Variants in TMEM132B observed in about 807,000 individuals in gnomAD.
The protein encoded by TMEM132B is transmembrane protein 132B.
A neutral mutation model predicts 90.8 loss-of-function variants in TMEM132B; 18 were observed. That is an observed-to-expected ratio of 0.20 (90% CI 0.14 to 0.29). TMEM132B has a LOEUF of 0.29. Among genes scored for constraint, TMEM132B ranks in the 10% least tolerant of loss-of-function variants. TMEM132B has a pLI of 1.00. For synonymous variants in TMEM132B, 504 were observed against 523.3 expected, an observed-to-expected ratio of 0.96 and a Z score of 0.50; for missense variants, 1,096 against 1,326.8, an observed-to-expected ratio of 0.83 and a Z score of 2.70.
At chr12:125,559,047 G>A (rs1486721225) in intron 4 of TMEM132B, among the ~76,000 whole-genome samples, 1 of 152,190 alleles carries the variant, frequency 6.6e-6, no homozygotes, top group Non-Finnish European at 1.5e-5. Context: ...AGATGATAAA[G>A]TTGAGTCTTT....
rs546008855 is a variant in TMEM132B, at chr12:125,408,629, G to A, written c.960-6902G>A. Among the ~76,000 whole-genome samples, 6 of 152,310 alleles carry A rather than the reference G, an allele frequency of 3.9e-5. No homozygotes were observed. Among genetic ancestry groups the A allele is most frequent in the African/African-American group, 1.2e-4 (5 of 41,570 alleles). On this transcript the variant is annotated intron_variant, in intron 2 of 8. Transcript: ENST00000682704. This position sits in a 1 kb window ranked among gnomAD's most constrained non-coding sequence, Gnocchi z 5.9. ...TGTCCCGAACAGATTAAGGCAATGAGCATTTTGGGTTGTTTCCATTTTGGG... is the reference window on the plus strand; with the variant it reads ...TGTCCCGAACAGATTAAGGCAATGAACATTTTGGGTTGTTTCCATTTTGGG...
In TMEM132B at chr12:125,290,144, G is replaced by A. The variant is rs576406144; in HGVS notation, c.68-59308G>A. Among the ~76,000 whole-genome samples, 10 of 152,286 alleles carry A rather than the reference G, an allele frequency of 6.6e-5. No individual in the cohort carries two copies. In the South Asian group the frequency reaches 1.9e-3, roughly 28 times the overall value. ...CTGGAACAAAATGAAAGCCGTCCGT[G>A]AATCTTGGCTGAGTTTGGGCCGTAA... On this transcript the variant is annotated intron_variant, in intron 1 of 8. Coordinates refer to ENST00000682704, the MANE Select transcript of TMEM132B (RefSeq NM_001366854.1).
chr12:125,313,719 G>C (rs1876180636), intron 1 of TMEM132B, among the ~76,000 whole-genome samples: 1 of 113,790 alleles, frequency 8.8e-6, no homozygotes, highest in Non-Finnish European at 1.8e-5. Flanking sequence ...CATTGGTTTG[G>C]GTTAATTTTC....
chr12:125,378,006 A>G (rs774293585), intron 2 of TMEM132B, among the ~76,000 whole-genome samples: 11 of 152,202 alleles, frequency 7.2e-5, no homozygotes, highest in Admixed American at 2.6e-4. Context: ...GAGGCTGGAC[A>G]AGGGGAGGTG....
intron 1 of TMEM132B, among the ~76,000 whole-genome samples, chr12:125,243,921 C>A (rs977426120): frequency 6.6e-6 from 1 of 152,188 alleles, no homozygotes; most frequent in African/African-American, 2.4e-5. Context: ...CGCCAACGCC[C>A]CCTCTCCCCC....
At chr12:125,567,840 T>G (rs1224748720) in intron 4 of TMEM132B, among the ~76,000 whole-genome samples, 1 of 152,194 alleles carries the variant, frequency 6.6e-6, no homozygotes, top group Non-Finnish European at 1.5e-5. Flanking sequence ...ACAGTTCTAA[T>G]TGAAGGAGTG....
intron 1 of TMEM132B, among the ~76,000 whole-genome samples, chr12:125,250,115 C>T (rs1442584470): frequency 2.0e-5 from 3 of 152,268 alleles, no homozygotes; most frequent in Non-Finnish European, 4.4e-5. Flanking sequence ...GGTCAGCTGA[C>T]AGCTAAGGCC....
intron 3 of TMEM132B, among the ~76,000 whole-genome samples, chr12:125,464,979 G>A (rs529398046): frequency 1.3e-5 from 2 of 152,300 alleles, no homozygotes; most frequent in South Asian, 2.1e-4. Flanking sequence ...ACTCTGCAGT[G>A]CCCTTTGGTC....
At chr12:125,435,735 A>G (rs1880680586) in intron 3 of TMEM132B, among the ~76,000 whole-genome samples, 1 of 152,190 alleles carries the variant, frequency 6.6e-6, no homozygotes, top group African/African-American at 2.4e-5. Flanking sequence ...GTGTAGGGAA[A>G]TCCCTGATTT....
chr12:125,332,526 C>T (rs1415577683), intron 1 of TMEM132B, among the ~76,000 whole-genome samples: 8 of 149,278 alleles, frequency 5.4e-5, no homozygotes, highest in Non-Finnish European at 1.2e-4. Context: ...CATAGCTCTG[C>T]ACTTTCTGCG....
intron 1 of TMEM132B, among the ~76,000 whole-genome samples, chr12:125,291,230 C>T (rs1875529943): frequency 6.6e-6 from 1 of 152,222 alleles, no homozygotes; most frequent in South Asian, 2.1e-4. Context: ...AGAAGGCCCT[C>T]ACCAGAACCC....
chr12:125,387,066 C>T (rs549435244), intron 2 of TMEM132B, among the ~76,000 whole-genome samples: 42 of 149,272 alleles, frequency 2.8e-4, no homozygotes, highest in Admixed American at 1.7e-3. Context: ...TGAAGATCCC[C>T]GGCAGCATTA....
At chr12:125,515,782 CTCTT>C (rs1219167248) in intron 3 of TMEM132B, among the ~76,000 whole-genome samples, 1 of 151,312 alleles carries the variant, frequency 6.6e-6, no homozygotes, top group East Asian at 2.0e-4. Context: ...ATTTGCACAT[CTCTT>C]TCACATTCAC....
chr12:125,528,177 C>T (rs1470771606), intron 4 of TMEM132B, among the ~76,000 whole-genome samples: 2 of 151,078 alleles, frequency 1.3e-5, no homozygotes, highest in Non-Finnish European at 2.9e-5. Context: ...TTGCCTTTTT[C>T]CTTCAATGGT....
chr12:125,288,076 G>A (rs899095823), intron 1 of TMEM132B, among the ~76,000 whole-genome samples: 10 of 151,534 alleles, frequency 6.6e-5, no homozygotes, highest in African/African-American at 2.2e-4. Flanking sequence ...GTTTCACCAT[G>A]TTGGCCAGGC....
At chr12:125,558,701 A>AT (rs1353510584) in intron 4 of TMEM132B, among the ~76,000 whole-genome samples, 12 of 152,336 alleles carry the variant, frequency 7.9e-5, no homozygotes, top group African/African-American at 2.6e-4. Flanking sequence ...TTAGAAACAA[A>AT]TGTTGTTAGT....
intron 1 of TMEM132B, among the ~76,000 whole-genome samples, chr12:125,223,869 T>C (rs1873617482): frequency 6.6e-6 from 1 of 152,164 alleles, no homozygotes; most frequent in African/African-American, 2.4e-5. Flanking sequence ...CTCTGCCTCC[T>C]GGGTTCAAGT....
At chr12:125,495,875 T>C (rs184506217) in intron 3 of TMEM132B, among the ~76,000 whole-genome samples, 22 of 152,374 alleles carry the variant, frequency 1.4e-4, no homozygotes, top group Middle Eastern at 6.8e-3. Flanking sequence ...TTGGTGGTAG[T>C]TCATGAATAT....
intron 3 of TMEM132B, among the ~76,000 whole-genome samples, chr12:125,467,972 T>C (rs1047057972): frequency 2.0e-5 from 3 of 151,772 alleles, no homozygotes; most frequent in Non-Finnish European, 4.4e-5. Context: ...TATTATTCAT[T>C]TTATGGACAG....
Sources: allele counts gnomAD v4.1 joint callset (sites outside exome capture counted in the v4.1 genomes callset), GRCh38; gene constraint gnomAD v4.1.1; non-coding constraint Gnocchi (gnomAD v3.1); transcripts MANE v1.5; gene names NCBI Gene and HGNC (gene_info 2026-07-23, HGNC 2026-07-21).